The following LRRTM4 variants were observed in gnomAD, a reference collection of about 807,000 sequenced individuals.
LRRTM4 encodes the protein leucine-rich repeat transmembrane neuronal protein 4.
Under a neutral mutation model 47.6 loss-of-function variants are expected in LRRTM4, and 25 were observed. The ratio of observed to expected loss-of-function variants is 0.53; its 90% confidence interval spans 0.38 to 0.73. The LOEUF is 0.73. Among genes scored for constraint, LRRTM4 ranks in the 30% least tolerant of loss-of-function variants. LRRTM4 has a pLI of 0.00. For missense variants in LRRTM4, 638 were observed against 713.4 expected (o/e 0.89, Z 1.20); for synonymous variants, 311 against 269.5 (o/e 1.15, Z -1.51).
intron 3 of LRRTM4, among the ~76,000 whole-genome samples, chr2:77,168,916 G>A (rs1371104643): frequency 6.6e-6 from 1 of 151,942 alleles, no homozygotes; most frequent in Non-Finnish European, 1.5e-5. Context: ...ATGCAAGGAT[G>A]GTTTAACATA....
intron 3 of LRRTM4, among the ~76,000 whole-genome samples, chr2:77,498,194 C>G (rs1217854018): frequency 1.3e-5 from 2 of 151,854 alleles, no homozygotes; most frequent in Non-Finnish European, 2.9e-5. Flanking sequence ...GAGCCTTAAA[C>G]TCAATTGGAA....
chr2:77,261,063 T>C (rs1246184014), intron 3 of LRRTM4, among the ~76,000 whole-genome samples: 1 of 152,026 alleles, frequency 6.6e-6, no homozygotes, highest in Non-Finnish European at 1.5e-5. Context: ...GGTGAAAAAT[T>C]GAGATCTGCA....
At chr2:77,412,400 G>A (rs1674477706) in intron 3 of LRRTM4, among the ~76,000 whole-genome samples, 1 of 152,146 alleles carries the variant, frequency 6.6e-6, no homozygotes, top group African/African-American at 2.4e-5. Context: ...AATTGCATCT[G>A]TTCAGCCATC....
intron 3 of LRRTM4, chr2:77,009,399 G>C (rs1429669455): frequency 6.6e-6 from 1 of 152,078 alleles, no homozygotes; most frequent in Non-Finnish European, 1.5e-5. Flanking sequence ...TAGTGATTTT[G>C]AATTTCAAAA....
chr2:77,216,491 A>C (rs1161245226), intron 3 of LRRTM4, among the ~76,000 whole-genome samples: 3 of 150,400 alleles, frequency 2.0e-5, no homozygotes, highest in Admixed American at 6.6e-5. Flanking sequence ...ATGGTGAAAC[A>C]CCAATCTCAG....
intron 3 of LRRTM4, among the ~76,000 whole-genome samples, chr2:77,180,055 T>G (rs1673307626): frequency 6.6e-6 from 1 of 152,184 alleles, no homozygotes; most frequent in South Asian, 2.1e-4. Flanking sequence ...GAATTGCTTA[T>G]AAGATTTGAT....
chr2:77,344,371 A>G (rs555880914), intron 3 of LRRTM4, among the ~76,000 whole-genome samples: 1 of 151,982 alleles, frequency 6.6e-6, no homozygotes, highest in Admixed American at 6.6e-5. Flanking sequence ...CAAGCAGAAA[A>G]TATAAAGAAT....
At chr2:77,304,169 G>T (rs1310154375) in intron 3 of LRRTM4, among the ~76,000 whole-genome samples, 1 of 152,082 alleles carries the variant, frequency 6.6e-6, no homozygotes, top group East Asian at 1.9e-4. Context: ...ATATCTTATT[G>T]GGATTTTGCT....
intron 3 of LRRTM4, among the ~76,000 whole-genome samples, chr2:76,787,193 G>A (rs187075123): frequency 4.3e-4 from 66 of 152,156 alleles, no homozygotes; most frequent in African/African-American, 1.6e-3. Flanking sequence ...GAGAAAGGAT[G>A]TGGAAAATAA....
intron 3 of LRRTM4, among the ~76,000 whole-genome samples, chr2:77,338,236 C>A (rs888643124): frequency 1.3e-5 from 2 of 151,972 alleles, no homozygotes; most frequent in Non-Finnish European, 2.9e-5. Flanking sequence ...CCAAAATGGA[C>A]AAATGGCACC....
intron 3 of LRRTM4, among the ~76,000 whole-genome samples, chr2:77,444,528 G>C (rs1264094277): frequency 6.6e-6 from 1 of 152,174 alleles, no homozygotes; most frequent in East Asian, 1.9e-4. Flanking sequence ...AGATATGGTA[G>C]AGGCATGTGA....
chr2:76,786,874 T>C lies in LRRTM4; in HGVS notation c.1552-37958A>G, dbSNP rs532941539. Among the ~76,000 whole-genome samples, 3 of 147,424 alleles carry C rather than the reference T, an allele frequency of 2.0e-5. No individual in the cohort carries two copies. In the Admixed American group the frequency reaches 2.1e-4, roughly 10 times the overall value. ...CTGTTTCTTTTCTTTGTGCTAATAA[T>C]AGCATCAAAAATAAAGCCCCCAAGT... On this transcript the variant is annotated intron_variant, in intron 3 of 3. Transcript: ENST00000409884.
At chr2:76,911,773 T>C (rs1674064897) in intron 3 of LRRTM4, among the ~76,000 whole-genome samples, 1 of 152,058 alleles carries the variant, frequency 6.6e-6, no homozygotes, top group African/African-American at 2.4e-5. Context: ...ACATGTAATA[T>C]ACACACTGAA....
intron 3 of LRRTM4, among the ~76,000 whole-genome samples, chr2:77,458,773 T>A (rs1467685994): frequency 1.3e-5 from 2 of 151,212 alleles, no homozygotes; most frequent in East Asian, 3.9e-4. Flanking sequence ...CAAATTTGAT[T>A]GGCATCCTAG....
At chr2:77,129,188 T>C (rs1035816002) in intron 3 of LRRTM4, among the ~76,000 whole-genome samples, 10 of 152,226 alleles carry the variant, frequency 6.6e-5, no homozygotes, top group African/African-American at 1.7e-4. Flanking sequence ...ACTACATCAG[T>C]ATTGTTACTG....
intron 3 of LRRTM4, among the ~76,000 whole-genome samples, chr2:77,149,235 C>G (rs755991832): frequency 6.6e-6 from 1 of 151,770 alleles, no homozygotes; most frequent in African/African-American, 2.4e-5. Flanking sequence ...TCTCAATGAC[C>G]TTTTTTACCA....
At chr2:76,873,566 G>T (rs1481854381) in intron 3 of LRRTM4, among the ~76,000 whole-genome samples, 4 of 135,024 alleles carry the variant, frequency 3.0e-5, no homozygotes, top group African/African-American at 5.5e-5. Context: ...TTTGGAAAAA[G>T]ATATGCTAGA....
intron 3 of LRRTM4, among the ~76,000 whole-genome samples, chr2:77,265,502 G>A (rs573924479): frequency 6.6e-6 from 1 of 152,006 alleles, no homozygotes; most frequent in Admixed American, 6.6e-5. Context: ...CAGCAAAAAG[G>A]CCTTCACTGG....
intron 3 of LRRTM4, among the ~76,000 whole-genome samples, chr2:77,435,681 G>A (rs911796834): frequency 1.3e-5 from 2 of 152,048 alleles, no homozygotes; most frequent in African/African-American, 4.8e-5. Context: ...TTCCTAATCT[G>A]TTAAGAAACT....
Sources: allele counts gnomAD v4.1 joint callset (sites outside exome capture counted in the v4.1 genomes callset), GRCh38; gene constraint gnomAD v4.1.1; transcripts MANE v1.5; gene names NCBI Gene and HGNC (gene_info 2026-07-23, HGNC 2026-07-21).